Variants in DACH1 observed in about 807,000 individuals in gnomAD.
DACH1 encodes dachshund homolog 1.
In DACH1, 12 loss-of-function variants were observed where a neutral mutation model predicts 54.2. The ratio of observed to expected loss-of-function variants is 0.22; its 90% CI spans 0.14 to 0.36. The LOEUF (loss-of-function observed/expected upper bound fraction) is 0.36. Among genes scored for constraint, DACH1 ranks in the 10% least tolerant of loss-of-function variants. DACH1 has a pLI of 1.00. For synonymous variants in DACH1, 386 were observed against 366.2 expected (o/e 1.05, Z -0.62); for missense variants, 805 against 929.8 (o/e 0.87, Z 1.75).
chr13:71,456,791 G>A (rs571753146), intron 10 of DACH1, among the ~76,000 whole-genome samples: 16 of 152,042 alleles, frequency 1.1e-4, no homozygotes, highest in South Asian at 2.1e-4. Flanking sequence ...CTGTTTCCCC[G>A]TCAGGTTTTG....
At chr13:71,864,546 C>G (rs899379514) in intron 1 of DACH1, among the ~76,000 whole-genome samples, 3 of 152,138 alleles carry the variant, frequency 2.0e-5, no homozygotes, top group South Asian at 2.1e-4. Flanking sequence ...TGGAGGGTAC[C>G]GAAGTTTCTG....
chr13:71,855,504 T>C (rs536558682), intron 1 of DACH1, among the ~76,000 whole-genome samples: 1 of 152,168 alleles, frequency 6.6e-6, no homozygotes, highest in South Asian at 2.1e-4. Flanking sequence ...TGCATTTATA[T>C]GACATAGCAT....
At chr13:71,848,038 A>G (rs528819497) in intron 1 of DACH1, among the ~76,000 whole-genome samples, 3 of 152,272 alleles carry the variant, frequency 2.0e-5, no homozygotes, top group South Asian at 2.1e-4. Flanking sequence ...CAGAATAATT[A>G]TAAATTTTGT....
chr13:71,650,606 TTC>T (rs1878599223), intron 2 of DACH1, among the ~76,000 whole-genome samples: 1 of 152,160 alleles, frequency 6.6e-6, no homozygotes, highest in Non-Finnish European at 1.5e-5. Context: ...AAGAAACACT[TTC>T]TCTCTCTGTG....
intron 1 of DACH1, among the ~76,000 whole-genome samples, chr13:71,762,015 G>A (rs985076101): frequency 1.3e-5 from 2 of 152,068 alleles, no homozygotes; most frequent in African/African-American, 4.8e-5. Context: ...TGCCTGCTAT[G>A]TATACTTAAT....
chr13:71,627,102 G>A (rs780341967), intron 3 of DACH1, among the ~76,000 whole-genome samples: 1 of 151,838 alleles, frequency 6.6e-6, no homozygotes, highest in African/African-American at 2.4e-5. Flanking sequence ...TGAGCTCAAG[G>A]TTACCATGTA....
At chr13:71,682,012 C>T in intron 1 of DACH1, 102 bp from the exon 2 acceptor site, 2 of 614,684 alleles carry the variant, frequency 3.3e-6, no homozygotes, top group Non-Finnish European at 5.4e-6. Context: ...AAATTTGTTT[C>T]AAGGACGGTT....
At chr13:71,748,862 CTT>C (rs1182815245) in intron 1 of DACH1, among the ~76,000 whole-genome samples, 5 of 23,036 alleles carry the variant, frequency 2.2e-4, no homozygotes, top group Non-Finnish European at 9.4e-4. Flanking sequence ...TTCTTTCTTT[CTT>C]TCTTTCTTTC....
At chr13:71,836,374 C>T (rs1297002143) in intron 1 of DACH1, among the ~76,000 whole-genome samples, 1 of 151,932 alleles carries the variant, frequency 6.6e-6, no homozygotes, top group African/African-American at 2.4e-5. Flanking sequence ...TAATGTCACC[C>T]AAGATTATTC....
At chr13:71,698,918 C>T (rs1341518192) in intron 1 of DACH1, among the ~76,000 whole-genome samples, 1 of 151,854 alleles carries the variant, frequency 6.6e-6, no homozygotes, top group African/African-American at 2.4e-5. Flanking sequence ...GATTTAGTGC[C>T]ATTAAAAAAC....
At chr13:71,661,439 T>C (rs1879478635) in intron 2 of DACH1, among the ~76,000 whole-genome samples, 1 of 151,940 alleles carries the variant, frequency 6.6e-6, no homozygotes, top group Non-Finnish European at 1.5e-5. Context: ...ATGGAATAAT[T>C]AATGGAAGAC....
At chr13:71,754,854 A>G (rs895163921) in intron 1 of DACH1, among the ~76,000 whole-genome samples, 3 of 152,156 alleles carry the variant, frequency 2.0e-5, no homozygotes, top group Non-Finnish European at 2.9e-5. Context: ...GAGGTAGAAT[A>G]ATAAGGCAAG....
Position 71,690,000 on chromosome 13 carries a change from T to C in DACH1, c.849-8090A>G, listed in dbSNP as rs570797842. Among the ~76,000 whole-genome samples, 20 of 152,310 alleles carry C rather than the reference T, an allele frequency of 1.3e-4. No homozygotes were observed. The East Asian group carries it at 3.7e-3, about 28-fold the overall frequency. On this transcript the variant is annotated intron_variant, in intron 1 of 10. Coordinates refer to ENST00000613252, the MANE Select transcript of DACH1 (RefSeq NM_080759.6). ...ATTATATTAAACTTAGTTTAAGATA[T>C]GTTAACTTAATGAATATATTTTTGG...
chr13:71,722,662 T>C (rs1357600531), intron 1 of DACH1, among the ~76,000 whole-genome samples: 1 of 152,226 alleles, frequency 6.6e-6, no homozygotes, highest in Admixed American at 6.5e-5. Context: ...GTTCTAAATA[T>C]GTTGATAAAG....
At chr13:71,499,997 G>T (rs1021912777) in intron 6 of DACH1, among the ~76,000 whole-genome samples, 2 of 151,250 alleles carry the variant, frequency 1.3e-5, no homozygotes, top group Non-Finnish European at 1.5e-5. Context: ...CTGAGTTAAT[G>T]ATTAAAAAAA....
intron 1 of DACH1, among the ~76,000 whole-genome samples, chr13:71,772,374 A>G (rs1337696996): frequency 6.6e-6 from 1 of 151,748 alleles, no homozygotes. Flanking sequence ...GTGCTTCCTT[A>G]AAAGACTTTA....
intron 7 of DACH1, among the ~76,000 whole-genome samples, chr13:71,488,609 T>G (rs1411760): frequency 0.93 from 141,059 of 151,702 alleles, 66,473 homozygotes; most frequent in East Asian, 1. Context: ...TCACTAGAAG[T>G]CCAGCAGTTT....
intron 3 of DACH1, among the ~76,000 whole-genome samples, chr13:71,584,721 T>C (rs1433253622): frequency 6.6e-6 from 1 of 152,046 alleles, no homozygotes; most frequent in Non-Finnish European, 1.5e-5. Flanking sequence ...CAGGTTAATA[T>C]TAATAAAATT....
At chr13:71,807,973 G>A (rs965332673) in intron 1 of DACH1, among the ~76,000 whole-genome samples, 3 of 151,924 alleles carry the variant, frequency 2.0e-5, no homozygotes, top group Admixed American at 1.3e-4. Context: ...TAATGTAGTC[G>A]GAGTAATTTA....
Sources: allele counts gnomAD v4.1 joint callset (sites outside exome capture counted in the v4.1 genomes callset), GRCh38; gene constraint gnomAD v4.1.1; transcripts MANE v1.5; gene names NCBI Gene and HGNC (gene_info 2026-07-23, HGNC 2026-07-21).